The following SGK3 variants were observed in gnomAD, a reference collection of about 807,000 sequenced individuals.
SGK3 encodes serine/threonine-protein kinase Sgk3.
A neutral mutation model predicts 68.5 loss-of-function variants in SGK3; 47 were observed. The observed-to-expected ratio is 0.69, with a 90% confidence interval of 0.54 to 0.87. SGK3 has a LOEUF of 0.87. Among genes scored for constraint, SGK3 ranks in the 40% least tolerant of loss-of-function variants. The pLI, the probability that SGK3 is intolerant of heterozygous loss-of-function variation, is 0.00. For synonymous variants in SGK3, 181 were observed against 189.1 expected (o/e 0.96, Z 0.35); for missense variants, 479 against 575.5 (o/e 0.83, Z 1.72).
intron 5 of SGK3, among the ~76,000 whole-genome samples, chr8:66,816,595 C>T (rs139133388): frequency 0.011 from 1,724 of 151,732 alleles, 17 homozygotes; most frequent in Non-Finnish European, 0.018. Context: ...CTGCCTGCCT[C>T]GGCCTCCCAA....
chr8:66,749,775 A>G (rs1805757955), intron 1 of SGK3, among the ~76,000 whole-genome samples: 1 of 152,116 alleles, frequency 6.6e-6, no homozygotes, highest in South Asian at 2.1e-4. Context: ...AGATATGTTT[A>G]TATATAGATG....
intron 6 of SGK3, 137 bp from the exon 7 acceptor site, chr8:66,828,514 TGAG>T: frequency 9.1e-7 from 1 of 1,094,214 alleles, no homozygotes; most frequent in Non-Finnish European, 1.3e-6. Flanking sequence ...ATACCCTTAC[TGAG>T]AATCAGGACT....
chr8:66,727,905 A>G (rs1805028460), intron 1 of SGK3, among the ~76,000 whole-genome samples: 1 of 152,252 alleles, frequency 6.6e-6, no homozygotes, highest in South Asian at 2.1e-4. Context: ...AAAGAAGTAA[A>G]AAGTCACAAA....
rs181709253 is a variant in SGK3 at position 66,820,903 on chromosome 8, G to A, written c.330-1469G>A. ...TTATTTTTTGTGGAGACAGAGTCTT[G>A]CTATGTTGCCCAGGCTGGTATCTAA... On this transcript the variant is annotated intron_variant, in intron 5 of 16. Transcript: ENST00000521198. Among the ~76,000 whole-genome samples the A allele has an allele frequency of 7.0e-4, 107 of 152,038 alleles. 1 individual carries two copies. The highest frequency in any genetic ancestry group is 2.4e-3 in the African/African-American group (99 of 41,458).
At chr8:66,842,339 G>GC (rs1273439338) in intron 13 of SGK3, among the ~76,000 whole-genome samples, 2 of 150,792 alleles carry the variant, frequency 1.3e-5, no homozygotes, top group African/African-American at 2.4e-5. Context: ...TCCTGCCTCA[G>GC]CCCCCCGAGT....
chr8:66,723,106 TATATATATATATATATATA>T (rs1563595085), intron 1 of SGK3, among the ~76,000 whole-genome samples: 2 of 39,990 alleles, frequency 5.0e-5, no homozygotes, highest in Non-Finnish European at 5.0e-5. Context: ...TATATATATA[TATATATATATATATATATA>T]TATATATTTT....
chr8:66,788,352 G>A (rs1807294336), intron 1 of SGK3, among the ~76,000 whole-genome samples: 1 of 152,192 alleles, frequency 6.6e-6, no homozygotes, highest in Non-Finnish European at 1.5e-5. Context: ...GTTTTCCATA[G>A]GCGGTCATTG....
intron 8 of SGK3, among the ~76,000 whole-genome samples, chr8:66,834,562 A>G (rs952689337): frequency 3.9e-5 from 6 of 152,122 alleles, no homozygotes; most frequent in Admixed American, 2.0e-4. Context: ...AGCTGTAGTG[A>G]TGAGTTTTTC....
At chr8:66,832,567 A>G (rs1405267592) in intron 8 of SGK3, among the ~76,000 whole-genome samples, 4 of 152,170 alleles carry the variant, frequency 2.6e-5, no homozygotes, top group Admixed American at 6.5e-5. Flanking sequence ...CCAAAATTCT[A>G]TTGGAATGCT....
chr8:66,724,315 C>T (rs544171637), intron 1 of SGK3, among the ~76,000 whole-genome samples: 28 of 152,042 alleles, frequency 1.8e-4, no homozygotes, highest in Non-Finnish European at 3.1e-4. Flanking sequence ...AGGCTGGGCG[C>T]GGCGGCTCAC....
At chr8:66,723,475 C>T (rs1249905000) in intron 1 of SGK3, among the ~76,000 whole-genome samples, 1 of 151,660 alleles carries the variant, frequency 6.6e-6, no homozygotes, top group Non-Finnish European at 1.5e-5. Context: ...AAAAGGTCTT[C>T]CTCTGTCACG....
In SGK3 at chr8:66,801,846, G is replaced by A. The variant is rs185409899; in HGVS notation, c.181-2529G>A. 2.6e-5 allele frequency among the ~76,000 whole-genome samples: 4 copies of A among 152,278 alleles called. No individual in the cohort carries two copies. In the East Asian group the frequency reaches 5.8e-4, roughly 22 times the overall value. Reference sequence around the variant, plus strand: ...ACTCAGCACTGTGGAGATCCACACCGGTAGTGTGTGTTCATGATGTTTTCA... The same window carrying A: ...ACTCAGCACTGTGGAGATCCACACCAGTAGTGTGTGTTCATGATGTTTTCA... On this transcript the variant is annotated intron_variant, in intron 3 of 16. Coordinates refer to ENST00000521198, the MANE Select transcript of SGK3 (RefSeq NM_001033578.3).
chr8:66,779,573 T>G (rs1416182958), intron 1 of SGK3, among the ~76,000 whole-genome samples: 1 of 118,738 alleles, frequency 8.4e-6, no homozygotes, highest in Non-Finnish European at 1.8e-5. Context: ...TATATATATA[T>G]ATATATATAT....
intron 1 of SGK3, among the ~76,000 whole-genome samples, chr8:66,742,199 A>G (rs11998301): frequency 6.6e-6 from 1 of 152,118 alleles, no homozygotes; most frequent in Non-Finnish European, 1.5e-5. Context: ...TCTCTTTTTC[A>G]TATCAGAGAC....
intron 3 of SGK3, among the ~76,000 whole-genome samples, chr8:66,803,057 C>A (rs1808013122): frequency 6.6e-6 from 1 of 152,120 alleles, no homozygotes; most frequent in Admixed American, 6.5e-5. Context: ...AACAGCAGTG[C>A]CTTAATATTG....
intron 1 of SGK3, among the ~76,000 whole-genome samples, chr8:66,720,320 G>A (rs997645942): frequency 1.1e-4 from 17 of 152,176 alleles, no homozygotes; most frequent in African/African-American, 3.1e-4. Context: ...AGGAAAAAGT[G>A]GCTGTTCTAA....
intron 1 of SGK3, among the ~76,000 whole-genome samples, chr8:66,757,141 T>TA (rs1046807537): frequency 5.3e-5 from 8 of 149,668 alleles, no homozygotes; most frequent in African/African-American, 1.5e-4. Context: ...TTTTTTTTTT[T>TA]TTTTTTTTGA....
intron 1 of SGK3, among the ~76,000 whole-genome samples, chr8:66,740,600 G>C (rs1023437127): frequency 6.6e-6 from 1 of 152,116 alleles, no homozygotes; most frequent in Non-Finnish European, 1.5e-5. Flanking sequence ...ATGGTCATCT[G>C]CTCACACCTT....
intron 1 of SGK3, among the ~76,000 whole-genome samples, chr8:66,740,043 T>G (rs1451182890): frequency 6.6e-6 from 1 of 152,206 alleles, no homozygotes. Context: ...ACCATATCAG[T>G]TACACTGACA....
Sources: gnomAD v4.1 joint callset for allele counts (sites outside exome capture counted in the v4.1 genomes callset) on GRCh38, gnomAD v4.1.1 for gene constraint, MANE v1.5 for transcripts, NCBI Gene and HGNC (gene_info 2026-07-23, HGNC 2026-07-21) for gene names.